The following CPA6 variants were observed in gnomAD, a reference collection of about 807,000 sequenced individuals.
CPA6 encodes the protein carboxypeptidase A6.
CPA6 carries 58 observed loss-of-function variants against 63.3 expected under a neutral mutation model. The ratio of observed to expected loss-of-function variants is 0.92; its 90% CI spans 0.74 to 1.14. The LOEUF (loss-of-function observed/expected upper bound fraction) is 1.14. CPA6 is among the 50% of genes most tolerant of loss of function. The pLI is 0.00. For synonymous variants in CPA6, 185 were observed against 179.0 expected, an observed-to-expected ratio of 1.03 and a Z score of -0.27; for missense variants, 565 against 526.6, an observed-to-expected ratio of 1.07 and a Z score of -0.71.
intron 1 of CPA6, among the ~76,000 whole-genome samples, chr8:67,630,049 G>A (rs922299301): frequency 6.6e-5 from 10 of 151,626 alleles, no homozygotes; most frequent in Non-Finnish European, 1.0e-4. Context: ...AACTTGTAGT[G>A]AGCCGAGATT....
chr8:67,597,652 GTGTTTT>G (rs1814380893), intron 2 of CPA6, among the ~76,000 whole-genome samples: 1 of 152,092 alleles, frequency 6.6e-6, no homozygotes, highest in Admixed American at 6.6e-5. Flanking sequence ...TTCAGTTATT[GTGTTTT>G]TCAGTTCTAT....
rs568351091 is a variant in CPA6, at chr8:67,503,538, G to A, written c.636+3249C>T. On this transcript the variant is annotated intron_variant, in intron 6 of 10. Coordinates refer to ENST00000297770, the MANE Select transcript of CPA6 (RefSeq NM_020361.5). ...GCCCAGGCTGATCTCGAATTCCTGGGCTCAAGTGATCCTCCTGCCTCGGCC... is the reference window on the plus strand; with the variant it reads ...GCCCAGGCTGATCTCGAATTCCTGGACTCAAGTGATCCTCCTGCCTCGGCC... Among the ~76,000 whole-genome samples the A allele has an allele frequency of 2.2e-4, 33 of 150,688 alleles. 1 individual carries two copies. The South Asian group carries it at 6.5e-3, about 30-fold the overall frequency.
intron 2 of CPA6, among the ~76,000 whole-genome samples, chr8:67,544,130 G>A (rs1812764341): frequency 6.6e-6 from 1 of 152,102 alleles, no homozygotes; most frequent in Non-Finnish European, 1.5e-5. Flanking sequence ...TGATTGAGCA[G>A]GTGATGACTG....
At chr8:67,483,412 G>A (rs1258394236) in intron 8 of CPA6, 3 of 315,684 alleles carry the variant, frequency 9.5e-6, no homozygotes, top group Non-Finnish European at 1.8e-5. Flanking sequence ...CATCAGTGGT[G>A]CTTGTATGAA....
At chr8:67,558,296 A>G (rs1033089329) in intron 2 of CPA6, among the ~76,000 whole-genome samples, 1 of 152,158 alleles carries the variant, frequency 6.6e-6, no homozygotes, top group Non-Finnish European at 1.5e-5. Flanking sequence ...TTTCTTCTAT[A>G]TAATCCGTTT....
chr8:67,647,458 A>T (rs1815737770), intron 1 of CPA6, among the ~76,000 whole-genome samples: 1 of 151,968 alleles, frequency 6.6e-6, no homozygotes, highest in African/African-American at 2.4e-5. Flanking sequence ...TTACAGGTGC[A>T]TAACACCATG....
chr8:67,632,109 AT>A (rs377303586), intron 1 of CPA6, among the ~76,000 whole-genome samples: 3 of 151,444 alleles, frequency 2.0e-5, no homozygotes, highest in South Asian at 2.1e-4. Flanking sequence ...ATAAGGAAGC[AT>A]TTTTTTTAAA....
At chr8:67,696,675 T>A (rs1816918353) in intron 1 of CPA6, among the ~76,000 whole-genome samples, 1 of 152,190 alleles carries the variant, frequency 6.6e-6, no homozygotes, top group Non-Finnish European at 1.5e-5. Flanking sequence ...GGAATACCAC[T>A]CAGCAATAAA....
intron 1 of CPA6, among the ~76,000 whole-genome samples, chr8:67,681,131 C>T (rs1248240461): frequency 6.6e-6 from 1 of 151,036 alleles, no homozygotes; most frequent in African/African-American, 2.4e-5. Context: ...TTCCCTTTTT[C>T]CTTTATAGAT....
At chr8:67,428,172 G>T in intron 9 of CPA6, 41 bp from the exon 10 acceptor site, 1 of 1,153,768 alleles carries the variant, frequency 8.7e-7, no homozygotes, top group African/African-American at 1.5e-5. Flanking sequence ...TTGTTGCATT[G>T]AAACTTTTAG....
At chr8:67,629,002 C>A (rs1305701703) in intron 1 of CPA6, among the ~76,000 whole-genome samples, 2 of 152,190 alleles carry the variant, frequency 1.3e-5, no homozygotes, top group African/African-American at 4.8e-5. Flanking sequence ...GTGGTCCCAG[C>A]TACTCTGGAG....
At chr8:67,644,420 T>C (rs1488143332) in intron 1 of CPA6, among the ~76,000 whole-genome samples, 1 of 152,120 alleles carries the variant, frequency 6.6e-6, no homozygotes, top group Non-Finnish European at 1.5e-5. Context: ...GCCCGGCCAT[T>C]ATGGCTGTCT....
intron 2 of CPA6, among the ~76,000 whole-genome samples, chr8:67,603,513 T>G (rs1033970817): frequency 6.6e-6 from 1 of 152,206 alleles, no homozygotes; most frequent in African/African-American, 2.4e-5. Context: ...AATGGCTAAG[T>G]GGAACTCATA....
chr8:67,574,853 A>G (rs146673888), intron 2 of CPA6, among the ~76,000 whole-genome samples: 1 of 152,108 alleles, frequency 6.6e-6, no homozygotes. Context: ...GTTTGGTTCC[A>G]AAGGCATGGG....
intron 2 of CPA6, among the ~76,000 whole-genome samples, chr8:67,594,362 T>G (rs1814231125): frequency 6.6e-6 from 1 of 152,244 alleles, no homozygotes; most frequent in Admixed American, 6.5e-5. Context: ...ATTATGTGTC[T>G]TGGAGTTGCT....
chr8:67,531,475 C>A (rs553725818), intron 2 of CPA6, among the ~76,000 whole-genome samples: 2 of 151,880 alleles, frequency 1.3e-5, no homozygotes, highest in Non-Finnish European at 2.9e-5. Context: ...AGCAGCAAAA[C>A]GTTAGGGCAA....
At chr8:67,490,116 A>G (rs1482579480) in intron 6 of CPA6, among the ~76,000 whole-genome samples, 1 of 152,192 alleles carries the variant, frequency 6.6e-6, no homozygotes, top group Non-Finnish European at 1.5e-5. Flanking sequence ...TGAACAGGAC[A>G]TTTAGGAGAA....
intron 2 of CPA6, among the ~76,000 whole-genome samples, chr8:67,546,656 T>C (rs892615970): frequency 6.6e-6 from 1 of 152,160 alleles, no homozygotes; most frequent in African/African-American, 2.4e-5. Context: ...CTTGATTCAG[T>C]AAACCAGGGG....
chr8:67,721,578 G>T (rs7830400), intron 1 of CPA6, among the ~76,000 whole-genome samples: 1 of 152,122 alleles, frequency 6.6e-6, no homozygotes, highest in East Asian at 1.9e-4. Context: ...ACTAGTATCA[G>T]GACACTGACA....
Sources: gnomAD v4.1 joint callset for allele counts (sites outside exome capture counted in the v4.1 genomes callset) on GRCh38, gnomAD v4.1.1 for gene constraint, MANE v1.5 for transcripts, NCBI Gene and HGNC (gene_info 2026-07-23, HGNC 2026-07-21) for gene names.